The following DNASE2 variants were observed in gnomAD, a reference collection of about 807,000 sequenced individuals.
DNASE2 encodes deoxyribonuclease 2, lysosomal, also known as deoxyribonuclease-2-alpha.
DNASE2 carries 26 observed loss-of-function variants against 29.8 expected under a neutral mutation model. That is an observed-to-expected ratio of 0.87 (90% CI 0.64 to 1.21). The LOEUF (loss-of-function observed/expected upper bound fraction) is 1.21. Ranked by LOEUF, DNASE2 falls within the 50% of genes most tolerant of loss-of-function variation. DNASE2 has a pLI of 0.00. For synonymous variants in DNASE2, 186 were observed against 193.5 expected (o/e 0.96, Z 0.32); for missense variants, 415 against 455.6 (o/e 0.91, Z 0.81).
intron 3 of DNASE2, among the ~76,000 whole-genome samples, chr19:12,880,466 T>A (rs1970366896): frequency 6.6e-6 from 1 of 152,008 alleles, no homozygotes; most frequent in Admixed American, 6.6e-5. Flanking sequence ...GAGACCAGCC[T>A]GGCCAACATG....
intron 2 of DNASE2, 37 bp from the exon 3 acceptor site, chr19:12,880,917 C>T (rs889745717): frequency 1.8e-5 from 29 of 1,614,204 alleles, no homozygotes; most frequent in Non-Finnish European, 2.5e-5. Context: ...TGAAATTCCT[C>T]CCAGGCAGGG....
In DNASE2 at chr19:12,875,695, T is replaced by TCC; in HGVS notation, c.*293_*294dup. 1.5e-5 allele frequency: 4 copies of TCC among 273,472 alleles called. No homozygotes were observed. Among genetic ancestry groups the TCC allele is most frequent in the Middle Eastern group, 1.4e-3 (1 of 732 alleles). 16.9% of individuals were successfully genotyped at this position (273,472 alleles called of 1,614,324 possible). A position where few individuals can be genotyped will look rare whatever the true frequency, so the allele number is the denominator to read the frequency against. ...AGATGTGAGCCACTGCACCCACCCG[T>TCC]CCCCCGCCCCCCCTTTTTTTTTGAA... On this transcript the variant is annotated 3_prime_UTR_variant, in exon 6 of 6. Coordinates refer to ENST00000222219, the MANE Select transcript of DNASE2 (RefSeq NM_001375.3).
Position 12,881,329 on chromosome 19 carries a change from GC to G in DNASE2, c.46del (p.Ala16ProfsTer2). ...CCCGGAGTCCCCGTAGCAGGTCAGG[GC>G]CCCGGCGGGGACGCACAGCAGCGCT... ...LAALLCVPAG[A>X]LTCYGDSGQP... On this transcript the variant is annotated frameshift_variant, in exon 1 of 6. Transcript: ENST00000222219. LOFTEE classifies it high-confidence loss of function. 1.3e-6 allele frequency: 2 copies of G among 1,570,064 alleles called. No individual in the cohort carries two copies. The highest frequency in any genetic ancestry group is 1.7e-6 in the Non-Finnish European group (2 of 1,158,558).
chr19:12,876,076 G>T lies in DNASE2; in HGVS notation c.997C>A (p.Leu333Ile). 6.2e-7 allele frequency: 1 copy of T among 1,613,988 alleles called. No homozygotes were observed. The highest frequency in any genetic ancestry group is 8.5e-7 in the Non-Finnish European group (1 of 1,180,014). ...GGTLCAQLPA[L>I]WKAFQPLVKN... Reference sequence around the variant, plus strand: ...ACCAGCGGCTGGAAGGCTTTCCAGAGGGCTGGCAGCTGGGCACACAGTGTG... The same window carrying T: ...ACCAGCGGCTGGAAGGCTTTCCAGATGGCTGGCAGCTGGGCACACAGTGTG... Residue 333 changes from leucine to isoleucine, a missense_variant, in exon 6 of 6, where the codon CTC becomes ATC. Coordinates refer to ENST00000222219, the MANE Select transcript of DNASE2 (RefSeq NM_001375.3).
intron 3 of DNASE2, 50 bp downstream of exon 3, chr19:12,880,752 T>C: frequency 8.7e-6 from 14 of 1,612,486 alleles, no homozygotes; most frequent in Non-Finnish European, 9.3e-6. Context: ...AGGGGTTACC[T>C]TGGAAAAATG....
At position 12,880,859 on chromosome 19, in the gene DNASE2, C is replaced by T; in HGVS notation, c.289G>A (p.Asp97Asn). Residue 97 changes from aspartate (D) to asparagine (N), a missense_variant, in exon 3 of 6, where the codon GAC (aspartate) becomes AAC (asparagine). Transcript: ENST00000222219. ...GCCTTGCTGGGTTGAGGCGGTTGGT[C>T]ATTGTAGAGCAGGAAGGCGAGCTGC... ...TSQLAFLLYN[D>N]QPPQPSKAQD... 1 of 1,614,166 alleles carries T rather than the reference C, an allele frequency of 6.2e-7. No individual in the cohort carries two copies. The highest frequency in any genetic ancestry group is 8.5e-7 in the Non-Finnish European group (1 of 1,180,042).
intron 3 of DNASE2, among the ~76,000 whole-genome samples, chr19:12,879,146 A>AAGTAAG (rs1970351321): frequency 6.9e-6 from 1 of 144,802 alleles, no homozygotes; most frequent in Non-Finnish European, 1.5e-5. Flanking sequence ...CATCTCAAAC[A>AAGTAAG]TAAGTAAGTA....
chr19:12,878,661 T>C lies in DNASE2; in HGVS notation c.511+9A>G. On this transcript the variant is annotated intron_variant, in intron 4 of 5. Coordinates refer to ENST00000222219, the MANE Select transcript of DNASE2 (RefSeq NM_001375.3). ...CCAGGACTCATCCTGTGTCCCTGAC[T>C]CGACTTACCCATCTTCGAGAACTGA... The C allele has an allele frequency of 6.2e-7, 1 of 1,614,024 alleles. No individual in the cohort carries two copies. The highest frequency in any genetic ancestry group is 8.5e-7 in the Non-Finnish European group (1 of 1,179,994).
Position 12,878,665 on chromosome 19 carries a change from C to T in DNASE2, c.511+5G>A, listed in dbSNP as rs376167745. The T allele has an allele frequency of 1.8e-5, 29 of 1,613,956 alleles. No individual in the cohort carries two copies. Among genetic ancestry groups the T allele is most frequent in the Non-Finnish European group, 2.2e-5 (26 of 1,180,018 alleles). Reference sequence around the variant, plus strand: ...GACTCATCCTGTGTCCCTGACTCGACTTACCCATCTTCGAGAACTGAGCGA... The same window carrying T: ...GACTCATCCTGTGTCCCTGACTCGATTTACCCATCTTCGAGAACTGAGCGA... On this transcript the variant is annotated splice_donor_5th_base_variant and intron_variant, in intron 4 of 5. Coordinates refer to ENST00000222219, the MANE Select transcript of DNASE2 (RefSeq NM_001375.3).
intron 5 of DNASE2, 60 bp from the exon 6 acceptor site, chr19:12,876,423 T>C: frequency 6.3e-7 from 1 of 1,583,522 alleles, no homozygotes; most frequent in Non-Finnish European, 8.5e-7. Flanking sequence ...GAGTCCCTAG[T>C]CCACTTCCCC....
intron 5 of DNASE2, among the ~76,000 whole-genome samples, chr19:12,876,845 CAG>C (rs1256718044): frequency 1.4e-5 from 2 of 146,806 alleles, no homozygotes; most frequent in Non-Finnish European, 3.0e-5. Context: ...GTTTTTGAGA[CAG>C]AGTCTCACTC....
intron 5 of DNASE2, 65 bp from the exon 6 acceptor site, chr19:12,876,428 T>TTCCCC: frequency 1.9e-6 from 3 of 1,573,400 alleles, no homozygotes; most frequent in Non-Finnish European, 2.6e-6. Flanking sequence ...CCTAGTCCAC[T>TTCCCC]TCCCCTCTCT....
At chr19:12,878,211 T>A in intron 5 of DNASE2, 171 bp downstream of exon 5, 1 of 788,498 alleles carries the variant, frequency 1.3e-6, no homozygotes, top group South Asian at 1.5e-5. Context: ...CAGGTGAAGT[T>A]ATACATCACA....
intron 5 of DNASE2, among the ~76,000 whole-genome samples, chr19:12,876,942 C>G (rs954674697): frequency 6.6e-6 from 1 of 152,114 alleles, no homozygotes; most frequent in African/African-American, 2.4e-5. Flanking sequence ...CATGCCTCAG[C>G]CTCCTGAGTA....
At position 12,875,463 on chromosome 19, in the gene DNASE2, C is replaced by G. The variant is rs913378305; in HGVS notation, c.*527G>C. The stretch of plus-strand genomic sequence containing the variant: ...CTGAAGTGCCGTGGTGTTAGCTCAG[C>G]TCATGACAACCTCTGCCTCCCGAGT... On this transcript the variant is annotated 3_prime_UTR_variant, in exon 6 of 6. Transcript: ENST00000222219. The G allele has an allele frequency of 6.1e-6, 1 of 164,530 alleles. No individual in the cohort carries two copies. The highest frequency in any genetic ancestry group is 2.4e-5 in the African/African-American group (1 of 41,570). The allele number at this position is 164,530 out of a possible 1,614,324, so 10.2% of individuals were successfully genotyped here.
rs1235612744 is a variant in DNASE2 at position 12,875,286 on chromosome 19, CTG to C, written c.*702_*703del. Reference sequence around the variant, plus strand: ...GTTTCCCATTTTGCAGACAGGTAGACTGTGTCACAGAGCGGTTAAGGCACACA... The same window carrying C: ...GTTTCCCATTTTGCAGACAGGTAGACTGTCACAGAGCGGTTAAGGCACACA... On this transcript the variant is annotated 3_prime_UTR_variant, in exon 6 of 6. Coordinates refer to ENST00000222219, the MANE Select transcript of DNASE2 (RefSeq NM_001375.3). The C allele has an allele frequency of 1.3e-5, 3 of 238,682 alleles. No individual in the cohort carries two copies. The highest frequency in any genetic ancestry group is 2.5e-5 in the Non-Finnish European group (3 of 118,820). The allele number at this position is 238,682 out of a possible 1,614,324, so 14.8% of individuals were successfully genotyped here.
chr19:12,880,664 C>CAAAGAA, intron 3 of DNASE2, 138 bp downstream of exon 3: 1 of 1,225,372 alleles, frequency 8.2e-7, no homozygotes, highest in Non-Finnish European at 1.2e-6. Flanking sequence ...GTCTCAAAAA[C>CAAAGAA]AAAGAAAAAA....
At chr19:12,880,162 T>C (rs1032362329) in intron 3 of DNASE2, among the ~76,000 whole-genome samples, 1 of 147,850 alleles carries the variant, frequency 6.8e-6, no homozygotes, top group African/African-American at 2.5e-5. Flanking sequence ...GGCCCAGTAC[T>C]TGGGAGGCTG....
intron 5 of DNASE2, among the ~76,000 whole-genome samples, chr19:12,877,009 G>T (rs2145920404): frequency 6.6e-6 from 1 of 152,018 alleles, no homozygotes; most frequent in East Asian, 1.9e-4. Context: ...TTTTAGTAGA[G>T]ATGGGGTTCC....
Sources: allele counts gnomAD v4.1 joint callset (sites outside exome capture counted in the v4.1 genomes callset), GRCh38; gene constraint gnomAD v4.1.1; transcripts MANE v1.5; gene names NCBI Gene and HGNC (gene_info 2026-07-23, HGNC 2026-07-21).